PICK1: variants seen among roughly 807,000 people sequenced by gnomAD.
The protein encoded by PICK1 is protein interacting with PRKCA 1, also known as PRKCA-binding protein.
Under a neutral mutation model 48.9 loss-of-function variants are expected in PICK1, and 23 were observed. The observed-to-expected ratio is 0.47, with a 90% CI of 0.34 to 0.67. The LOEUF is 0.67. Among genes scored for constraint, PICK1 ranks in the 30% least tolerant of loss-of-function variants. The probability of loss-of-function intolerance (pLI) is 0.01; values close to 1 mark genes in which losing one functional copy is unlikely to be tolerated. For synonymous variants in PICK1, 217 were observed against 228.2 expected (o/e 0.95, Z 0.44); for missense variants, 423 against 557.1 (o/e 0.76, Z 2.42).
chr22:38,068,317 A>G (rs1160746281), intron 5 of PICK1, among the ~76,000 whole-genome samples: 4 of 152,176 alleles, frequency 2.6e-5, no homozygotes, highest in Non-Finnish European at 4.4e-5. Flanking sequence ...TTTAAGACTC[A>G]AGAGCTGGAC....
chr22:38,068,106 C>T (rs1241579488), intron 5 of PICK1: 4 of 496,242 alleles, frequency 8.1e-6, no homozygotes, highest in African/African-American at 2.0e-5. Flanking sequence ...CAGGGCCTCA[C>T]TCTTCATAAA....
At position 38,067,720 on chromosome 22, in the gene PICK1, A is replaced by G. The variant is rs760644693; in HGVS notation, c.299A>G (p.His100Arg). Residue 100 changes from histidine to arginine, a missense_variant, in exon 5 of 13, where the codon CAC becomes CGC. Transcript: ENST00000356976. ...IQEVKGEVTI[H>R]YNKLQADPKQ... ...CTCTTCCAGGGGGAGGTGACCATCC[A>G]CTACAACAAGCTGCAGGCGGACCCC... 1.2e-6 allele frequency: 2 copies of G among 1,613,876 alleles called. No individual in the cohort carries two copies. The highest frequency in any genetic ancestry group is 3.3e-5 in the Admixed American group (2 of 59,998).
At chr22:38,067,595 C>G (rs1420994069) in intron 4 of PICK1, 109 bp from the exon 5 acceptor site, 9 of 942,510 alleles carry the variant, frequency 9.5e-6, no homozygotes, top group Non-Finnish European at 1.6e-5. Flanking sequence ...AGGTGTGAGC[C>G]ACCGCACCCG....
chr22:38,067,959 G>A (rs1275734328), intron 5 of PICK1, 189 bp downstream of exon 5: 3 of 694,260 alleles, frequency 4.3e-6, no homozygotes, highest in Non-Finnish European at 2.7e-6. Context: ...TGCTCTCCCT[G>A]CATCTGTTCT....
At position 38,071,084 on chromosome 22, in the gene PICK1, C is replaced by T. The variant is rs543445462; in HGVS notation, c.493+193C>T. The stretch of plus-strand genomic sequence containing the variant: ...CTCAGGGGCCTGGTGCAGTGGCTCA[C>T]GCCTGTAATCCCAGCACTTTGGGAG... On this transcript the variant is annotated intron_variant, in intron 7 of 12. Coordinates refer to ENST00000356976, the MANE Select transcript of PICK1 (RefSeq NM_012407.4). Among the ~76,000 whole-genome samples the T allele has an allele frequency of 3.9e-5, 6 of 152,308 alleles. No homozygotes were observed. In the South Asian group the frequency reaches 8.3e-4, roughly 21 times the overall value.
intron 4 of PICK1, among the ~76,000 whole-genome samples, chr22:38,065,972 G>A (rs1036101275): frequency 3.3e-5 from 5 of 151,846 alleles, no homozygotes; most frequent in Non-Finnish European, 4.4e-5. Context: ...CTGATAGTCC[G>A]CCTTCCTGCC....
At position 38,067,793 on chromosome 22, in the gene PICK1, G is replaced by A. The variant is rs200175121; in HGVS notation, c.349+23G>A. 50 of 1,605,494 alleles carry A rather than the reference G, an allele frequency of 3.1e-5. No individual in the cohort carries two copies. The South Asian group carries it at 3.3e-4, about 11-fold the overall frequency. ...TTGGTAAGCTGGTCAGAGCAGTTAC[G>A]GGTGTCCAGCAGCCTCCCTGGATGG... is the stretch of plus-strand genomic sequence containing the variant. On this transcript the variant is annotated intron_variant, in intron 5 of 12. Transcript: ENST00000356976.
chr22:38,071,097 A>C (rs1192733179), intron 7 of PICK1, among the ~76,000 whole-genome samples: 1 of 152,228 alleles, frequency 6.6e-6, no homozygotes, highest in Non-Finnish European at 1.5e-5. Context: ...CTGTAATCCC[A>C]GCACTTTGGG....
intron 9 of PICK1, 89 bp downstream of exon 9, chr22:38,072,699 T>C (rs2085731293): frequency 1.3e-6 from 2 of 1,542,612 alleles, no homozygotes; most frequent in African/African-American, 1.4e-5. Flanking sequence ...GCTGGAGTCC[T>C]GTGCCTGGGT....
intron 6 of PICK1, among the ~76,000 whole-genome samples, chr22:38,070,534 C>T (rs765494398): frequency 1.3e-5 from 2 of 152,242 alleles, no homozygotes; most frequent in Admixed American, 6.5e-5. Flanking sequence ...GGCCTGGCTG[C>T]TCCATCTCCA....
chr22:38,072,672 T>A (rs2085730297), intron 9 of PICK1, 62 bp downstream of exon 9: 1 of 1,599,310 alleles, frequency 6.3e-7, no homozygotes, highest in South Asian at 1.1e-5. Flanking sequence ...GAGTGTGGCA[T>A]GCAGAGAAGG....
intron 8 of PICK1, chr22:38,071,970 C>T: frequency 1.7e-6 from 1 of 599,778 alleles, no homozygotes; most frequent in South Asian, 1.9e-5. Context: ...CCTCACACTG[C>T]CACTGGCAGT....
chr22:38,065,315 C>T (rs2085499461), intron 4 of PICK1, 185 bp downstream of exon 4: 1 of 638,238 alleles, frequency 1.6e-6, no homozygotes. Flanking sequence ...TCAATAAATA[C>T]TAATCGTGCT....
Position 38,059,288 on chromosome 22 carries a change from G to T in PICK1, c.96G>T (p.Leu32=). Residue 32 remains leucine, a synonymous_variant, in exon 3 of 13, where the codon CTG becomes CTT. Coordinates refer to ENST00000356976, the MANE Select transcript of PICK1 (RefSeq NM_012407.4). The part of the protein sequence containing the change: ...KVTLQKDAQN[L]IGISIGGGAQ... ...CCCTGCAGAAGGATGCTCAGAACCT[G>T]ATCGGGATCAGCATTGGAGGAGGGG... 6.3e-7 allele frequency: 1 copy of T among 1,580,784 alleles called. No individual in the cohort carries two copies.
chr22:38,065,888 C>G (rs1383531871), intron 4 of PICK1, among the ~76,000 whole-genome samples: 1 of 152,180 alleles, frequency 6.6e-6, no homozygotes, highest in African/African-American at 2.4e-5. Flanking sequence ...AGGGTCCCCA[C>G]TGTGAGTTCA....
Position 38,057,795 on chromosome 22 carries a change from C to T in PICK1, c.-15C>T. 1 of 1,613,364 alleles carries T rather than the reference C, an allele frequency of 6.2e-7. No homozygotes were observed. The highest frequency in any genetic ancestry group is 1.1e-5 in the South Asian group (1 of 91,072). ...GAGCTGGGCAGTTAGCCAGCCCACT[C>T]CAACTCTCGGAACCATGTTTGCAGA... On this transcript the variant is annotated 5_prime_UTR_variant, in exon 2 of 13. Transcript: ENST00000356976.
chr22:38,069,407 T>C (rs1315415439), intron 6 of PICK1, among the ~76,000 whole-genome samples: 3 of 152,158 alleles, frequency 2.0e-5, no homozygotes, highest in African/African-American at 7.2e-5. Flanking sequence ...CTCAGCCCCT[T>C]ACCCCTCACC....
intron 4 of PICK1, 61 bp downstream of exon 4, chr22:38,065,191 G>A: frequency 1.9e-6 from 3 of 1,553,742 alleles, no homozygotes; most frequent in Non-Finnish European, 2.6e-6. Context: ...AGACCTCCAG[G>A]CTGCCAGAGG....
Position 38,073,020 on chromosome 22 carries a change from G to A in PICK1, c.711G>A (p.Thr237=), listed in dbSNP as rs1259136632. The A allele has an allele frequency of 5.0e-6, 8 of 1,613,392 alleles. No homozygotes were observed. The highest frequency in any genetic ancestry group is 3.3e-5 in the South Asian group (3 of 91,084). ...TIKPMLTDLN[T]YLNKAIPDTR... ...TCCAGATGCTGACGGATCTGAACAC[G>A]TACCTCAACAAAGCCATCCCGGACA... Residue 237 remains threonine (T), a synonymous_variant, in exon 10 of 13, where the codon ACG becomes ACA. Coordinates refer to ENST00000356976, the MANE Select transcript of PICK1 (RefSeq NM_012407.4). The surrounding 1 kb of genome is among the most constrained non-coding windows in gnomAD (Gnocchi z 5.7).
Sources: allele counts gnomAD v4.1 joint callset (sites outside exome capture counted in the v4.1 genomes callset), GRCh38; gene constraint gnomAD v4.1.1; non-coding constraint Gnocchi (gnomAD v3.1); transcripts MANE v1.5; gene names NCBI Gene and HGNC (gene_info 2026-07-23, HGNC 2026-07-21).